The following GLI2 variants were observed in gnomAD, a reference collection of about 807,000 sequenced individuals.
The protein encoded by GLI2 is GLI family zinc finger 2.
In GLI2, 22 loss-of-function variants were observed where a neutral mutation model predicts 78.9. The ratio of observed to expected loss-of-function variants is 0.28; its 90% CI spans 0.20 to 0.40. The LOEUF (loss-of-function observed/expected upper bound fraction) is 0.40. Among genes scored for constraint, GLI2 ranks in the 10% least tolerant of loss-of-function variants. The pLI, the probability that GLI2 is intolerant of heterozygous loss-of-function variation, is 1.00. For synonymous variants in GLI2, 974 were observed against 963.7 expected (o/e 1.01, Z -0.20); for missense variants, 2,097 against 2,213.2 (o/e 0.95, Z 1.05).
Position 120,989,566 on chromosome 2 carries a change from A to G in GLI2, c.3601A>G (p.Arg1201Gly), listed in dbSNP as rs1573742574. ...RSGAPSQGIP[R>G]VNYMQQLRQP... ...CGGAGCCCCCTCCCAGGGCATCCCC[A>G]GGGTAAACTACATGCAGCAGCTGCG... Residue 1201 changes from arginine (R) to glycine (G), a missense_variant, in exon 14 of 14, where the codon AGG (arginine) becomes GGG (glycine). Arg to Gly is a moderately radical substitution (Grantham distance 125, BLOSUM62 -2). Transcript: ENST00000361492. The G allele has an allele frequency of 6.2e-7, 1 of 1,613,162 alleles. No homozygotes were observed. The highest frequency in any genetic ancestry group is 1.6e-4 in the Middle Eastern group (1 of 6,062).
chr2:120,812,697 G>T (rs912160802), intron 2 of GLI2, among the ~76,000 whole-genome samples: 1 of 152,180 alleles, frequency 6.6e-6, no homozygotes, highest in African/African-American at 2.4e-5. Context: ...CATTCAGGCT[G>T]CCGGGGAGCC....
intron 1 of GLI2, among the ~76,000 whole-genome samples, chr2:120,791,398 A>G (rs1288001727): frequency 6.6e-6 from 1 of 152,166 alleles, no homozygotes; most frequent in Admixed American, 6.5e-5. Flanking sequence ...GGGAGAGGAA[A>G]GGACTGGTGC....
chr2:120,983,915 GTGTA>G (rs1682832414), intron 11 of GLI2, among the ~76,000 whole-genome samples: 1 of 150,898 alleles, frequency 6.6e-6, no homozygotes, highest in Non-Finnish European at 1.5e-5. Context: ...GTGTTTGTAA[GTGTA>G]TGTTTTTCTG....
intron 10 of GLI2, 57 bp downstream of exon 10, chr2:120,978,640 C>A (rs971057080): frequency 1.9e-6 from 3 of 1,582,884 alleles, no homozygotes; most frequent in Non-Finnish European, 2.6e-6. Context: ...GTCAGCCAGG[C>A]CGGGGGGATC....
At chr2:120,981,551 G>A (rs1380347805) in intron 10 of GLI2, among the ~76,000 whole-genome samples, 3 of 152,182 alleles carry the variant, frequency 2.0e-5, no homozygotes, top group African/African-American at 7.2e-5. Context: ...GCAAACCATA[G>A]CCCTTTGATG....
At chr2:120,829,979 A>G (rs539320538) in intron 2 of GLI2, among the ~76,000 whole-genome samples, 8 of 152,058 alleles carry the variant, frequency 5.3e-5, no homozygotes, top group South Asian at 4.2e-4. Flanking sequence ...GTGTGTGTGT[A>G]TATATGTGCA....
chr2:120,886,988 C>T (rs976734234), intron 2 of GLI2, among the ~76,000 whole-genome samples: 19 of 152,192 alleles, frequency 1.2e-4, no homozygotes, highest in Admixed American at 5.9e-4. Context: ...GGGCCCGAGA[C>T]GCAGATGCAG....
chr2:120,949,972 C>T (rs760452168), intron 3 of GLI2, among the ~76,000 whole-genome samples: 7 of 152,210 alleles, frequency 4.6e-5, no homozygotes, highest in African/African-American at 1.7e-4. Flanking sequence ...GCCTTTCACA[C>T]GTCCAGCATC....
At chr2:120,949,718 G>A (rs183341830) in intron 3 of GLI2, among the ~76,000 whole-genome samples, 41 of 152,344 alleles carry the variant, frequency 2.7e-4, no homozygotes, top group Middle Eastern at 3.4e-3. Context: ...GGGCAGTCAC[G>A]TCTGCTGAAG....
chr2:120,916,772 G>A (rs977798918), intron 2 of GLI2, among the ~76,000 whole-genome samples: 1 of 152,344 alleles, frequency 6.6e-6, no homozygotes, highest in Middle Eastern at 3.4e-3. Context: ...CAGCTCCGCC[G>A]TGGATTCCAG....
intron 2 of GLI2, among the ~76,000 whole-genome samples, chr2:120,876,565 C>T (rs532828822): frequency 2.4e-4 from 36 of 152,044 alleles, no homozygotes; most frequent in African/African-American, 8.2e-4. Flanking sequence ...AAATACTCAC[C>T]GGAGAAATCA....
intron 5 of GLI2, among the ~76,000 whole-genome samples, chr2:120,957,709 A>C (rs1208892208): frequency 6.6e-6 from 1 of 152,230 alleles, no homozygotes; most frequent in Non-Finnish European, 1.5e-5. Context: ...GATTTTCAGC[A>C]TGAGCGTCTG....
chr2:120,956,551 G>A (rs960689534), intron 5 of GLI2, among the ~76,000 whole-genome samples: 2 of 152,104 alleles, frequency 1.3e-5, no homozygotes, highest in African/African-American at 2.4e-5. Context: ...GCGCCACTCC[G>A]CCTGCAGGTC....
At chr2:120,951,779 T>C (rs1278490061) in intron 4 of GLI2, 1 of 244,634 alleles carries the variant, frequency 4.1e-6, no homozygotes, top group South Asian at 1.4e-4. Context: ...AAGGGGATGT[T>C]GTGTTGGAGT....
At chr2:120,926,110 G>A (rs1161161963) in intron 2 of GLI2, among the ~76,000 whole-genome samples, 2 of 144,776 alleles carry the variant, frequency 1.4e-5, no homozygotes, top group African/African-American at 5.1e-5. Context: ...GATTTAAATG[G>A]TAAATTTCAG....
intron 2 of GLI2, among the ~76,000 whole-genome samples, chr2:120,881,804 T>TG (rs148455985): frequency 0.9 from 4,429 of 4,918 alleles, 1,988 homozygotes; most frequent in Middle Eastern, 1. Flanking sequence ...GAGAAGACAG[T>TG]GGGGGAGAAC....
chr2:120,749,659 C>A lies in GLI2; in HGVS notation c.-31+13374C>A, dbSNP rs555930821. On this transcript the variant is annotated intron_variant, in intron 1 of 13. Coordinates refer to ENST00000361492, the MANE Select transcript of GLI2 (RefSeq NM_001374353.1). ...ACTCTGTAAGCTATGACAGTCAGAG[C>A]CTGGGATCATAATTGTTCTGTTCGT... 2.6e-5 allele frequency among the ~76,000 whole-genome samples: 4 copies of A among 152,284 alleles called. No homozygotes were observed. In the East Asian group the frequency reaches 7.7e-4, roughly 29 times the overall value.
At chr2:120,766,679 C>T (rs921328924) in intron 1 of GLI2, among the ~76,000 whole-genome samples, 2 of 152,184 alleles carry the variant, frequency 1.3e-5, no homozygotes, top group East Asian at 3.8e-4. Context: ...GGTCTTTATG[C>T]CTCAGTTTCT....
chr2:120,782,880 A>G (rs1324351977), intron 1 of GLI2, among the ~76,000 whole-genome samples: 2 of 152,196 alleles, frequency 1.3e-5, no homozygotes, highest in Non-Finnish European at 2.9e-5. Flanking sequence ...AGGATTCCTG[A>G]GTAGAACAGG....
Sources: gnomAD v4.1 joint callset for allele counts (sites outside exome capture counted in the v4.1 genomes callset) on GRCh38, gnomAD v4.1.1 for gene constraint, MANE v1.5 for transcripts, NCBI Gene and HGNC (gene_info 2026-07-23, HGNC 2026-07-21) for gene names.